The following PCDHA1 variants were observed in gnomAD, a reference collection of about 807,000 sequenced individuals.
PCDHA1 encodes the protein protocadherin alpha 1, also known as protocadherin alpha-1.
PCDHA1 carries 42 observed loss-of-function variants against 61.3 expected under a neutral mutation model. That is an observed-to-expected ratio of 0.69 (90% confidence interval 0.54 to 0.89). The LOEUF (loss-of-function observed/expected upper bound fraction) is 0.89. Among genes scored for constraint, PCDHA1 ranks in the 40% least tolerant of loss-of-function variants. PCDHA1 has a pLI of 0.00. For missense variants in PCDHA1, 1,256 were observed against 1,235.3 expected, an observed-to-expected ratio of 1.02 and a Z score of -0.25; for synonymous variants, 610 against 553.8, an observed-to-expected ratio of 1.10 and a Z score of -1.43.
chr5:140,807,058 G>T, intron 1 of PCDHA1: 1 of 1,098,788 alleles, frequency 9.1e-7, no homozygotes, highest in Non-Finnish European at 1.3e-6. Flanking sequence ...TATTCTTACT[G>T]GAAGGAACCA....
intron 1 of PCDHA1, among the ~76,000 whole-genome samples, chr5:140,907,040 G>A (rs781947448): frequency 1.4e-4 from 21 of 152,290 alleles, no homozygotes; most frequent in Non-Finnish European, 2.4e-4. Context: ...ATGTCACAGG[G>A]ACAGTAAGCA....
At chr5:140,836,011 C>T (rs2150250556) in intron 1 of PCDHA1, 2 of 1,613,394 alleles carry the variant, frequency 1.2e-6, no homozygotes, top group East Asian at 2.2e-5. Flanking sequence ...GCGGGCGTGC[C>T]GCCTCTGGGC....
At chr5:140,856,781 G>C in intron 1 of PCDHA1, 1 of 1,596,356 alleles carries the variant, frequency 6.3e-7, no homozygotes, top group South Asian at 1.1e-5. Context: ...TGACAGACCG[G>C]TTTATGAAGT....
intron 1 of PCDHA1, among the ~76,000 whole-genome samples, chr5:140,917,003 A>C (rs2077823052): frequency 6.6e-6 from 1 of 151,818 alleles, no homozygotes; most frequent in Non-Finnish European, 1.5e-5. Flanking sequence ...CTGTTCCAAA[A>C]TCTCCCTTCA....
At chr5:140,969,374 G>A (rs1554231740) in intron 1 of PCDHA1, 1 of 1,606,076 alleles carries the variant, frequency 6.2e-7, no homozygotes, top group South Asian at 1.1e-5. Flanking sequence ...TCATGCATTT[G>A]TTACACATCC....
intron 1 of PCDHA1, chr5:140,842,463 C>T (rs1554139058): frequency 1.9e-6 from 3 of 1,613,672 alleles, no homozygotes; most frequent in Admixed American, 3.3e-5. Flanking sequence ...GATTCAGGTG[C>T]CAACGGGCAG....
rs1175447800 is a variant in PCDHA1, at chr5:140,787,659, C to G, written c.1369C>G (p.Gln457Glu). The stretch of plus-strand genomic sequence containing the variant: ...GAATGACAACGCGCCTGCGTTCGCG[C>G]AGCCCGAGTACACAGTATTCGTGAA... The part of the protein sequence containing the change: ...DVNDNAPAFA[Q>E]PEYTVFVKEN... The change falls in exon 1 of 4, where the codon CAG (glutamine) becomes GAG (glutamate). Residue 457 changes from glutamine (Q) to glutamate (E), a missense_variant. Physicochemically the swap from Gln to Glu is conservative, Grantham distance 29. Transcript: ENST00000504120. 1 of 1,613,794 alleles carries G rather than the reference C, an allele frequency of 6.2e-7. No homozygotes were observed. The highest frequency in any genetic ancestry group is 8.5e-7 in the Non-Finnish European group (1 of 1,179,934).
Position 140,843,987 on chromosome 5 carries a change from G to T in PCDHA1, c.2394+55303G>T, listed in dbSNP as rs1007978772. ...ATTTATTTTGGCCTGCCTTACAGCCGTCTTCTCTGAACAATACTCTAAGGA... is the reference window on the plus strand; with the variant it reads ...ATTTATTTTGGCCTGCCTTACAGCCTTCTTCTCTGAACAATACTCTAAGGA... On this transcript the variant is annotated intron_variant, in intron 1 of 3. Coordinates refer to ENST00000504120, the MANE Select transcript of PCDHA1 (RefSeq NM_018900.4). Among the ~76,000 whole-genome samples the T allele has an allele frequency of 1.5e-4, 23 of 149,540 alleles. 2 individuals are homozygous for T. The highest frequency in any genetic ancestry group is 5.6e-4 in the African/African-American group (23 of 40,920).
At chr5:140,964,954 G>A (rs140288048) in intron 1 of PCDHA1, among the ~76,000 whole-genome samples, 6 of 152,316 alleles carry the variant, frequency 3.9e-5, no homozygotes, top group Non-Finnish European at 7.4e-5. Flanking sequence ...AGTGTGCTTG[G>A]TTGGTGGAAC....
At chr5:140,969,608 CAG>C in intron 1 of PCDHA1, 1 of 747,330 alleles carries the variant, frequency 1.3e-6, no homozygotes, top group South Asian at 2.1e-5. Flanking sequence ...TGCTAAAACA[CAG>C]ATTTGTAGAG....
intron 1 of PCDHA1, among the ~76,000 whole-genome samples, chr5:140,919,139 C>T (rs1294020429): frequency 6.6e-6 from 1 of 152,120 alleles, no homozygotes; most frequent in Non-Finnish European, 1.5e-5. Context: ...TTTTGGGGCT[C>T]TATTATTAGA....
intron 1 of PCDHA1, among the ~76,000 whole-genome samples, chr5:140,938,157 G>C (rs532966795): frequency 6.6e-6 from 1 of 152,022 alleles, no homozygotes; most frequent in African/African-American, 2.4e-5. Context: ...CATTGCCCAG[G>C]CTAGTCTGGA....
chr5:140,834,758 C>T (rs2150225679), intron 1 of PCDHA1: 11 of 1,614,006 alleles, frequency 6.8e-6, no homozygotes, highest in Non-Finnish European at 8.5e-6. Flanking sequence ...AGGTGAAGGA[C>T]ATTAACGACA....
intron 1 of PCDHA1, among the ~76,000 whole-genome samples, chr5:140,958,355 C>A (rs2095420165): frequency 6.6e-6 from 1 of 152,064 alleles, no homozygotes; most frequent in Admixed American, 6.6e-5. Context: ...CACAGTCTGA[C>A]TTTATCAGGA....
intron 1 of PCDHA1, among the ~76,000 whole-genome samples, chr5:140,839,484 G>A (rs1263127603): frequency 1.3e-5 from 2 of 151,800 alleles, no homozygotes; most frequent in African/African-American, 4.8e-5. Context: ...CTGCCTCCTG[G>A]GCTCAAGTGA....
chr5:140,943,729 A>G (rs1215938127), intron 1 of PCDHA1, among the ~76,000 whole-genome samples: 1 of 152,374 alleles, frequency 6.6e-6, no homozygotes, highest in South Asian at 2.1e-4. Context: ...TGAGAGAATG[A>G]AAGTCCACAG....
intron 1 of PCDHA1, chr5:140,866,712 T>C (rs2049515311): frequency 6.6e-6 from 1 of 152,156 alleles, no homozygotes; most frequent in South Asian, 2.1e-4. Context: ...CGTGCACTAG[T>C]AAGACATTAA....
At chr5:140,904,193 T>C (rs1554191351) in intron 1 of PCDHA1, among the ~76,000 whole-genome samples, 2 of 151,930 alleles carry the variant, frequency 1.3e-5, no homozygotes, top group Non-Finnish European at 2.9e-5. Flanking sequence ...TTCCCACCCT[T>C]TCCCCCTAAG....
In PCDHA1 at chr5:140,844,652, C is replaced by CA. The variant is rs1162718646; in HGVS notation, c.2394+55971dup. 1.0e-4 allele frequency among the ~76,000 whole-genome samples: 15 copies of CA among 149,492 alleles called. 1 individual carries two copies. The highest frequency in any genetic ancestry group is 2.0e-4 in the Admixed American group (3 of 14,904). On this transcript the variant is annotated intron_variant, in intron 1 of 3. Transcript: ENST00000504120. ...ACTATACATGATAATTTCATTCTTG[C>CA]AAACCAAACATATAATTTATAAATC...
Sources: allele counts gnomAD v4.1 joint callset (sites outside exome capture counted in the v4.1 genomes callset), GRCh38; gene constraint gnomAD v4.1.1; transcripts MANE v1.5; gene names NCBI Gene and HGNC (gene_info 2026-07-23, HGNC 2026-07-21).